CRPPA: variants seen among roughly 807,000 people sequenced by gnomAD.
CRPPA encodes CDP-L-ribitol pyrophosphorylase A, also known as D-ribitol-5-phosphate cytidylyltransferase.
In CRPPA, 43 loss-of-function variants were observed where a neutral mutation model predicts 52.0. The observed-to-expected ratio is 0.83, with a 90% CI of 0.65 to 1.07. The LOEUF (loss-of-function observed/expected upper bound fraction) is 1.07, where lower values mean the gene tolerates loss of function less well. CRPPA is among the 50% of genes least tolerant of loss of function. The probability of loss-of-function intolerance (pLI) is 0.00; values close to 1 mark genes in which losing one functional copy is unlikely to be tolerated. For synonymous variants in CRPPA, 250 were observed against 203.5 expected (o/e 1.23, Z -1.94); for missense variants, 629 against 551.7 (o/e 1.14, Z -1.40).
intron 3 of CRPPA, among the ~76,000 whole-genome samples, chr7:16,324,904 GC>G (rs1785347257): frequency 6.6e-6 from 1 of 152,030 alleles, no homozygotes; most frequent in African/African-American, 2.4e-5. Context: ...TTGAGTACTC[GC>G]CCTGTCCTCA....
intron 3 of CRPPA, among the ~76,000 whole-genome samples, chr7:16,368,908 T>C (rs1023092415): frequency 5.3e-5 from 8 of 152,336 alleles, no homozygotes; most frequent in Middle Eastern, 6.8e-3. Flanking sequence ...TATATGCACA[T>C]ATATAACTCA....
chr7:16,258,286 G>A, intron 8 of CRPPA, 104 bp downstream of exon 8: 2 of 634,534 alleles, frequency 3.2e-6, no homozygotes, highest in Non-Finnish European at 5.2e-6. Flanking sequence ...TTTCTTTTGA[G>A]TATGGGTCAA....
At chr7:16,388,324 A>G (rs1353379493) in intron 2 of CRPPA, among the ~76,000 whole-genome samples, 1 of 152,214 alleles carries the variant, frequency 6.6e-6, no homozygotes, top group Non-Finnish European at 1.5e-5. Flanking sequence ...TGAGCCAAAG[A>G]AACCACTAGC....
chr7:16,213,836 T>C (rs1782223199), intron 9 of CRPPA, among the ~76,000 whole-genome samples: 1 of 152,202 alleles, frequency 6.6e-6, no homozygotes, highest in Non-Finnish European at 1.5e-5. Context: ...TGAAAGCTCA[T>C]TTTAATTATC....
intron 9 of CRPPA, among the ~76,000 whole-genome samples, chr7:16,097,915 T>C (rs549422968): frequency 1.3e-5 from 2 of 152,332 alleles, no homozygotes; most frequent in Non-Finnish European, 2.9e-5. Flanking sequence ...GTGGTCAACT[T>C]TATATGATGC....
At chr7:16,104,920 A>G (rs1782121197) in intron 9 of CRPPA, among the ~76,000 whole-genome samples, 1 of 151,816 alleles carries the variant, frequency 6.6e-6, no homozygotes, top group African/African-American at 2.4e-5. Flanking sequence ...AAAAAAGAAA[A>G]AAAAAATCTT....
At chr7:16,162,841 C>T (rs888846601) in intron 9 of CRPPA, among the ~76,000 whole-genome samples, 2 of 151,910 alleles carry the variant, frequency 1.3e-5, no homozygotes, top group African/African-American at 4.8e-5. Context: ...TAAGAACTTG[C>T]TTTATGAATC....
intron 3 of CRPPA, among the ~76,000 whole-genome samples, chr7:16,352,160 G>A (rs1262165540): frequency 2.0e-5 from 3 of 151,928 alleles, no homozygotes; most frequent in Non-Finnish European, 4.4e-5. Context: ...AACTGACACA[G>A]GAATAGAAAA....
At chr7:16,277,364 CAAAAAAA>C (rs35386502) in intron 6 of CRPPA, 5 of 77,740 alleles carry the variant, frequency 6.4e-5, no homozygotes, top group South Asian at 5.1e-4. Flanking sequence ...GACTCCATCT[CAAAAAAA>C]AAAAAAAAAA....
intron 9 of CRPPA, among the ~76,000 whole-genome samples, chr7:16,166,284 A>G (rs1163424204): frequency 2.0e-5 from 3 of 149,298 alleles, no homozygotes; most frequent in Non-Finnish European, 2.9e-5. Flanking sequence ...TACAGCCTAA[A>G]CTTTTTTTTT....
chr7:16,240,189 T>C (rs1783066641), intron 8 of CRPPA, among the ~76,000 whole-genome samples: 1 of 150,952 alleles, frequency 6.6e-6, no homozygotes, highest in South Asian at 2.1e-4. Context: ...CTCATTTTTG[T>C]GTTAGAAATG....
intron 8 of CRPPA, among the ~76,000 whole-genome samples, chr7:16,254,427 TG>T (rs940204541): frequency 6.6e-5 from 10 of 152,108 alleles, no homozygotes; most frequent in Non-Finnish European, 1.2e-4. Context: ...GATGAGTTCA[TG>T]TCCTTTGTAG....
intron 9 of CRPPA, among the ~76,000 whole-genome samples, chr7:16,149,463 A>C (rs1783033584): frequency 1.3e-5 from 2 of 152,208 alleles, no homozygotes; most frequent in African/African-American, 4.8e-5. Flanking sequence ...TCCTGCCATG[A>C]CCATTAATTT....
intron 6 of CRPPA, chr7:16,270,332 A>T (rs374301819): frequency 6.6e-6 from 1 of 152,192 alleles, no homozygotes; most frequent in Non-Finnish European, 1.5e-5. Flanking sequence ...TCAAGAATAT[A>T]AATAATTAAA....
At chr7:16,259,042 A>G (rs1349031513) in intron 6 of CRPPA, 30 bp from the exon 7 acceptor site, 2 of 1,455,602 alleles carry the variant, frequency 1.4e-6, no homozygotes, top group East Asian at 4.6e-5. Flanking sequence ...ATGAATTCAC[A>G]AATTAGATAG....
chr7:16,366,153 G>C (rs1786583555), intron 3 of CRPPA, among the ~76,000 whole-genome samples: 1 of 152,082 alleles, frequency 6.6e-6, no homozygotes, highest in African/African-American at 2.4e-5. Flanking sequence ...GGGCAAACAA[G>C]CTCCCTCAGG....
At chr7:16,363,098 T>C (rs1786500096) in intron 3 of CRPPA, among the ~76,000 whole-genome samples, 1 of 152,168 alleles carries the variant, frequency 6.6e-6, no homozygotes, top group Admixed American at 6.5e-5. Flanking sequence ...ATGTTAATTA[T>C]CAACTACCAT....
intron 5 of CRPPA, among the ~76,000 whole-genome samples, chr7:16,282,459 A>T (rs1784338746): frequency 6.6e-6 from 1 of 152,022 alleles, no homozygotes; most frequent in South Asian, 2.1e-4. Context: ...AGGTCAAGAG[A>T]TGGAGGAGGA....
intron 9 of CRPPA, among the ~76,000 whole-genome samples, chr7:16,117,624 C>T (rs972065722): frequency 6.6e-6 from 1 of 152,216 alleles, no homozygotes. Context: ...CACATCCTTG[C>T]CACTTGGAAG....
Sources: allele counts gnomAD v4.1 joint callset (sites outside exome capture counted in the v4.1 genomes callset), GRCh38; gene constraint gnomAD v4.1.1; transcripts MANE v1.5; gene names NCBI Gene and HGNC (gene_info 2026-07-23, HGNC 2026-07-21).